TRPM1: variants seen among roughly 807,000 people sequenced by gnomAD.
The protein encoded by TRPM1 is TRPM1-203 APA Isoform, Intron 10.
Under a neutral mutation model 149.4 loss-of-function variants are expected in TRPM1, and 113 were observed. That is an observed-to-expected ratio of 0.76 (90% CI 0.65 to 0.88). TRPM1 has a LOEUF of 0.88. Among genes scored for constraint, TRPM1 ranks in the 40% least tolerant of loss-of-function variants. TRPM1 has a pLI of 0.00. For missense variants in TRPM1, 1,976 were observed against 2,038.7 expected, an observed-to-expected ratio of 0.97 and a Z score of 0.59; for synonymous variants, 741 against 759.5, an observed-to-expected ratio of 0.98 and a Z score of 0.40.
intron 1 of TRPM1, among the ~76,000 whole-genome samples, chr15:31,147,245 T>C (rs893631351): frequency 1.3e-5 from 2 of 152,358 alleles, no homozygotes; most frequent in Non-Finnish European, 1.5e-5. Flanking sequence ...CACACAACTG[T>C]GCTATGCGCA....
At chr15:31,094,327 C>A (rs1399512262) in intron 1 of TRPM1, among the ~76,000 whole-genome samples, 1 of 151,918 alleles carries the variant, frequency 6.6e-6, no homozygotes, top group South Asian at 2.1e-4. Context: ...ATACCATAAG[C>A]ATGAACAAGA....
At chr15:31,049,566 G>A (rs940729564) in intron 12 of TRPM1, 57 bp from the exon 13 acceptor site, 1 of 1,604,920 alleles carries the variant, frequency 6.2e-7, no homozygotes. Context: ...ACAGGGGAGG[G>A]GGGCGACTGG....
rs2032802621 is a variant in TRPM1 at position 31,027,033 on chromosome 15, C to G, written c.3378G>C (p.Arg1126Ser). The G allele has an allele frequency of 6.2e-7, 1 of 1,614,020 alleles. No homozygotes were observed. The highest frequency in any genetic ancestry group is 8.5e-7 in the Non-Finnish European group (1 of 1,180,036). Residue 1126 changes from arginine to serine, a missense_variant, in exon 26 of 28, where the codon AGG becomes AGC. Transcript: ENST00000256552. ...RYQLIMTFHDRPVLPPPMIIL... is the reference protein window; with the variant it reads ...RYQLIMTFHDSPVLPPPMIIL... ...TGATCATCGGTGGGGGCAGGACTGGCCTGTCATGAAATGTCATAATCAGCT... is the reference window on the plus strand; with the variant it reads ...TGATCATCGGTGGGGGCAGGACTGGGCTGTCATGAAATGTCATAATCAGCT...
intron 1 of TRPM1, among the ~76,000 whole-genome samples, chr15:31,126,689 C>T (rs1036868153): frequency 2.6e-5 from 4 of 152,052 alleles, no homozygotes; most frequent in African/African-American, 9.7e-5. Flanking sequence ...GCCGGCCAGG[C>T]GCAGTGGCTC....
At chr15:31,073,254 A>G (rs1193482708) in intron 3 of TRPM1, among the ~76,000 whole-genome samples, 1 of 152,190 alleles carries the variant, frequency 6.6e-6, no homozygotes, top group Non-Finnish European at 1.5e-5. Flanking sequence ...TTTGCTGAAG[A>G]GACGACTACT....
chr15:31,052,947 G>A (rs1002694162), intron 11 of TRPM1, among the ~76,000 whole-genome samples: 5 of 152,098 alleles, frequency 3.3e-5, no homozygotes, highest in Admixed American at 3.3e-4. Flanking sequence ...TAAAAGTTTT[G>A]TGCAGCAAAA....
intron 1 of TRPM1, among the ~76,000 whole-genome samples, chr15:31,125,241 A>G (rs142744067): frequency 2.6e-5 from 4 of 152,304 alleles, no homozygotes; most frequent in African/African-American, 9.6e-5. Context: ...GTAAATTACA[A>G]TGTAAACTCT....
chr15:31,062,945 T>C, intron 8 of TRPM1, 173 bp downstream of exon 8: 2 of 1,016,666 alleles, frequency 2.0e-6, no homozygotes, highest in South Asian at 2.8e-5. Context: ...AGGAACACCC[T>C]GCCTCTGATG....
chr15:31,057,991 C>T (rs2034128583), intron 11 of TRPM1, among the ~76,000 whole-genome samples: 1 of 152,150 alleles, frequency 6.6e-6, no homozygotes, highest in Non-Finnish European at 1.5e-5. Flanking sequence ...TGGGGTCTCC[C>T]CAGCCATTTG....
At chr15:31,085,432 G>T (rs1234377828) in intron 1 of TRPM1, among the ~76,000 whole-genome samples, 1 of 152,186 alleles carries the variant, frequency 6.6e-6, no homozygotes, top group Non-Finnish European at 1.5e-5. Context: ...GCAATAAAAA[G>T]ATCACAAAAT....
chr15:31,062,444 A>G (rs537683019), intron 9 of TRPM1, 135 bp downstream of exon 9: 2 of 1,115,936 alleles, frequency 1.8e-6, no homozygotes, highest in South Asian at 1.4e-5. Flanking sequence ...CCAATTTGGT[A>G]TGCATTTGTA....
chr15:31,065,941 G>T, intron 7 of TRPM1, 135 bp downstream of exon 7: 2 of 1,057,488 alleles, frequency 1.9e-6, no homozygotes, highest in Non-Finnish European at 2.8e-6. Context: ...ACATCTAGGT[G>T]AGTCATTTTC....
Position 31,038,118 on chromosome 15 carries a change from G to A in TRPM1, c.2365C>T (p.Arg789Cys), listed in dbSNP as rs375687882. 99 of 1,613,876 alleles carry A rather than the reference G, an allele frequency of 6.1e-5. No homozygotes were observed. The highest frequency in any genetic ancestry group is 7.4e-5 in the Non-Finnish European group (87 of 1,179,960). Residue 789 changes from arginine (R) to cysteine (C), a missense_variant, in exon 19 of 28, where the codon CGC becomes TGC. By Grantham distance (180) the Arg-to-Cys change is radical. This residue lies in a region of TRPM1 where 1,332 missense variants were observed against 1,347.1 expected (regional missense o/e 0.99). Transcript: ENST00000256552. ...LPPTILFLEF[R>C]TYDDFSYQTS... ...TGATACGAGAAATCATCATATGTGCGAAATTCCAAAAACAAGATGGTGGGG... is the reference window on the plus strand; with the variant it reads ...TGATACGAGAAATCATCATATGTGCAAAATTCCAAAAACAAGATGGTGGGG...
intron 3 of TRPM1, chr15:31,070,550 C>T: frequency 1.8e-6 from 1 of 546,316 alleles, no homozygotes. Flanking sequence ...GACATGCCCT[C>T]CGAACATAGA....
chr15:31,024,035 G>A (rs1022559572), intron 27 of TRPM1, among the ~76,000 whole-genome samples: 1 of 152,042 alleles, frequency 6.6e-6, no homozygotes, highest in African/African-American at 2.4e-5. Flanking sequence ...GTGTGAACAC[G>A]CCTGTAAAAC....
At chr15:31,088,429 A>G (rs1308279332) in intron 1 of TRPM1, among the ~76,000 whole-genome samples, 1 of 152,206 alleles carries the variant, frequency 6.6e-6, no homozygotes, top group Admixed American at 6.5e-5. Flanking sequence ...CACCACCTTT[A>G]AGAGCTGTAA....
chr15:31,064,768 T>C (rs557912511), intron 7 of TRPM1, among the ~76,000 whole-genome samples: 1 of 152,322 alleles, frequency 6.6e-6, no homozygotes, highest in South Asian at 2.1e-4. Context: ...CTCTTACATA[T>C]GTTGAATAAC....
intron 27 of TRPM1, among the ~76,000 whole-genome samples, chr15:31,006,304 A>G (rs2031986887): frequency 2.0e-5 from 3 of 152,178 alleles, no homozygotes; most frequent in African/African-American, 4.8e-5. Flanking sequence ...CAGCCTCCCA[A>G]GTAGCTGGGA....
rs2140936495 is a variant in TRPM1 at position 31,047,156 on chromosome 15, C to T, written c.1719G>A (p.Arg573=). 3 of 1,614,226 alleles carry T rather than the reference C, an allele frequency of 1.9e-6. No homozygotes were observed. In the East Asian group the frequency reaches 6.7e-5, roughly 36 times the overall value. Residue 573 remains arginine, a synonymous_variant, in exon 15 of 28, where the codon CGG becomes CGA. Transcript: ENST00000256552. ...MGGAYRCNYT[R]KNFRTLYNNL... is the part of the protein sequence containing the mutation. ...TGTTGTAAAGGGTCCGAAAGTTTTT[C>T]CGAGTGTAGTTGCAGCGGTAGGCTC...
Sources: allele counts gnomAD v4.1 joint callset (sites outside exome capture counted in the v4.1 genomes callset), GRCh38; gene constraint gnomAD v4.1.1; regional missense constraint gnomAD v4.1.1; transcripts MANE v1.5; gene names NCBI Gene and HGNC (gene_info 2026-07-23, HGNC 2026-07-21).